TMEM132D: variants seen among roughly 807,000 people sequenced by gnomAD.
The protein encoded by TMEM132D is transmembrane protein 132D.
In TMEM132D, 21 loss-of-function variants were observed where a neutral mutation model predicts 62.3. That is an observed-to-expected ratio of 0.34 (90% CI 0.24 to 0.49). TMEM132D has a LOEUF of 0.49. Among genes scored for constraint, TMEM132D ranks in the 20% least tolerant of loss-of-function variants. TMEM132D has a pLI of 0.99. For missense variants in TMEM132D, 1,346 were observed against 1,402.8 expected (o/e 0.96, Z 0.65); for synonymous variants, 621 against 575.6 (o/e 1.08, Z -1.13).
chr12:129,282,269 G>A (rs1881177306), intron 4 of TMEM132D, among the ~76,000 whole-genome samples: 1 of 152,100 alleles, frequency 6.6e-6, no homozygotes, highest in African/African-American at 2.4e-5. Context: ...GGGAATATGA[G>A]ACCAGAGGGA....
intron 1 of TMEM132D, among the ~76,000 whole-genome samples, chr12:129,901,221 G>C (rs561602313): frequency 6.6e-6 from 1 of 152,156 alleles, no homozygotes; most frequent in Non-Finnish European, 1.5e-5. Context: ...TTTCAATATA[G>C]TCCATACTTG....
At chr12:129,636,064 A>C (rs1197350198) in intron 2 of TMEM132D, among the ~76,000 whole-genome samples, 1 of 152,224 alleles carries the variant, frequency 6.6e-6, no homozygotes, top group Non-Finnish European at 1.5e-5. Context: ...GGTTAAAATA[A>C]GTATTTGTGG....
At chr12:129,743,536 T>A (rs932091936) in intron 1 of TMEM132D, among the ~76,000 whole-genome samples, 1 of 152,232 alleles carries the variant, frequency 6.6e-6, no homozygotes, top group Non-Finnish European at 1.5e-5. Context: ...ACTGAGTCAA[T>A]TAAACCTCTT....
chr12:129,310,336 T>C (rs1250106797), intron 4 of TMEM132D, among the ~76,000 whole-genome samples: 1 of 152,164 alleles, frequency 6.6e-6, no homozygotes, highest in African/African-American at 2.4e-5. Flanking sequence ...GGGATAGAGA[T>C]GAACCACAGA....
intron 4 of TMEM132D, among the ~76,000 whole-genome samples, chr12:129,300,675 C>T (rs563564329): frequency 6.6e-6 from 1 of 152,258 alleles, no homozygotes; most frequent in South Asian, 2.1e-4. Flanking sequence ...GAGATACTGG[C>T]ATTTTGACAT....
At chr12:129,749,698 CA>C (rs57535470) in intron 1 of TMEM132D, among the ~76,000 whole-genome samples, 2,205 of 152,080 alleles carry the variant, frequency 0.014, 61 homozygotes, top group African/African-American at 0.05. Context: ...CTCCTGACCT[CA>C]AATGATCTGC....
intron 5 of TMEM132D, among the ~76,000 whole-genome samples, chr12:129,165,683 T>TA (rs1458580838): frequency 1.4e-4 from 15 of 104,644 alleles, no homozygotes; most frequent in Non-Finnish European, 3.1e-4. Context: ...ATTTCTTCTT[T>TA]TTTTTTTTCC....
chr12:129,654,050 T>C (rs1192108689), intron 2 of TMEM132D, among the ~76,000 whole-genome samples: 1 of 152,196 alleles, frequency 6.6e-6, no homozygotes, highest in Non-Finnish European at 1.5e-5. Context: ...AGTTACTTTG[T>C]AGAATGTCCT....
chr12:129,506,667 T>A (rs932893130), intron 3 of TMEM132D, among the ~76,000 whole-genome samples: 6 of 152,110 alleles, frequency 3.9e-5, no homozygotes, highest in Non-Finnish European at 7.4e-5. Flanking sequence ...TGTAGGAGAA[T>A]GAAACTGGAT....
intron 1 of TMEM132D, among the ~76,000 whole-genome samples, chr12:129,729,233 T>C (rs927082698): frequency 3.3e-5 from 5 of 152,180 alleles, no homozygotes; most frequent in African/African-American, 1.2e-4. Context: ...CTCTGGACCA[T>C]AGAGTCACTG....
At chr12:129,645,772 A>G in intron 2 of TMEM132D, among the ~76,000 whole-genome samples, 1 of 152,214 alleles carries the variant, frequency 6.6e-6, no homozygotes, top group South Asian at 2.1e-4. Context: ...ATGGTGACGG[A>G]GTGACCTCTG....
chr12:129,622,616 C>T (rs571010103), intron 2 of TMEM132D, among the ~76,000 whole-genome samples: 1 of 152,324 alleles, frequency 6.6e-6, no homozygotes, highest in Admixed American at 6.5e-5. Context: ...CTGCTCTGAA[C>T]TCTACTATAT....
chr12:129,202,748 C>G (rs953424559), intron 5 of TMEM132D, among the ~76,000 whole-genome samples: 3 of 152,144 alleles, frequency 2.0e-5, no homozygotes, highest in African/African-American at 4.8e-5. Context: ...ATTTCCCTTC[C>G]TCATGCCATT....
At chr12:129,820,070 C>CT (rs942083546) in intron 1 of TMEM132D, among the ~76,000 whole-genome samples, 1 of 152,146 alleles carries the variant, frequency 6.6e-6, no homozygotes, top group Non-Finnish European at 1.5e-5. Context: ...ACCTGGCACT[C>CT]TTTTTTGTCT....
intron 4 of TMEM132D, among the ~76,000 whole-genome samples, chr12:129,251,368 AAAAAAAAAAAAAAAAG>A (rs1184646839): frequency 3.4e-5 from 5 of 149,078 alleles, no homozygotes; most frequent in Non-Finnish European, 7.4e-5. Context: ...AAAAAAAAAA[AAAAAAAAAAAAAAAAG>A]AAGAGAGAAA....
At chr12:129,389,280 C>A (rs1871232462) in intron 3 of TMEM132D, among the ~76,000 whole-genome samples, 1 of 151,750 alleles carries the variant, frequency 6.6e-6, no homozygotes, top group African/African-American at 2.4e-5. Flanking sequence ...TTAATACAAA[C>A]CTTAAGGCTA....
intron 1 of TMEM132D, among the ~76,000 whole-genome samples, chr12:129,747,554 TCTCA>T (rs1869842405): frequency 7.2e-6 from 1 of 138,268 alleles, no homozygotes; most frequent in African/African-American, 2.8e-5. Context: ...TCAGACACCC[TCTCA>T]CACACTTTCA....
intron 1 of TMEM132D, among the ~76,000 whole-genome samples, chr12:129,749,324 G>A (rs1221797739): frequency 1.2e-4 from 19 of 152,164 alleles, no homozygotes; most frequent in Non-Finnish European, 2.9e-5. Context: ...TAGCTGTGGA[G>A]GCCACACACA....
At chr12:129,424,967 G>A (rs899367514) in intron 3 of TMEM132D, among the ~76,000 whole-genome samples, 2 of 152,008 alleles carry the variant, frequency 1.3e-5, no homozygotes, top group East Asian at 1.9e-4. Context: ...GCAGCCTCAG[G>A]CAACCACTAA....
Sources: allele counts gnomAD v4.1 joint callset (sites outside exome capture counted in the v4.1 genomes callset), GRCh38; gene constraint gnomAD v4.1.1; transcripts MANE v1.5; gene names NCBI Gene and HGNC (gene_info 2026-07-23, HGNC 2026-07-21).